Variants in SAAL1 observed in about 807,000 individuals in gnomAD.
The protein encoded by SAAL1 is serum amyloid A like 1.
SAAL1 carries 42 observed loss-of-function variants against 59.8 expected under a neutral mutation model. That is an observed-to-expected ratio of 0.70 (90% CI 0.55 to 0.91). The LOEUF is 0.91. Among genes scored for constraint, SAAL1 ranks in the 40% least tolerant of loss-of-function variants. SAAL1 has a pLI of 0.00. For missense variants in SAAL1, 542 were observed against 561.1 expected (o/e 0.97, Z 0.34); for synonymous variants, 191 against 194.3 (o/e 0.98, Z 0.14).
chr11:18,082,946 T>C (rs1848425777), intron 10 of SAAL1, among the ~76,000 whole-genome samples: 1 of 152,196 alleles, frequency 6.6e-6, no homozygotes, highest in African/African-American at 2.4e-5. Flanking sequence ...GAATACTCTT[T>C]AAAAAATTAA....
Position 18,106,007 on chromosome 11 carries a change from C to A in SAAL1, c.35G>T (p.Arg12Leu). Residue 12 changes from arginine (R) to leucine (L), a missense_variant, in exon 1 of 12, where the codon CGC (arginine) becomes CTC (leucine). By Grantham distance (102) the Arg-to-Leu change is moderately radical. Coordinates refer to ENST00000524803, the MANE Select transcript of SAAL1 (RefSeq NM_138421.3). ...CACCTCCTCCTCCTCCTCCTTGTCG[C>A]GACCCGGCGGCGGCGGCGAGGGGTT... ...DRNPSPPPPG[R>L]DKEEEEEVAG... The A allele has an allele frequency of 6.2e-7, 1 of 1,605,436 alleles. No individual in the cohort carries two copies. The highest frequency in any genetic ancestry group is 8.5e-7 in the Non-Finnish European group (1 of 1,176,602).
At position 18,086,961 on chromosome 11, in the gene SAAL1, A is replaced by G; in HGVS notation, c.947T>C (p.Leu316Pro). The G allele has an allele frequency of 6.2e-7, 1 of 1,613,928 alleles. No individual in the cohort carries two copies. Among genetic ancestry groups the G allele is most frequent in the Non-Finnish European group, 8.5e-7 (1 of 1,179,878 alleles). ...GGCTAGCACTGTTTTCTGTTCTTGA[A>G]GAATGATGGGTGGATCATCAGACTG... ...FCQSDDPPII[L>P]QEQKTVLASV... Residue 316 changes from leucine to proline, a missense_variant, in exon 9 of 12, where the codon CTT (leucine) becomes CCT (proline). Leu to Pro is a moderately conservative substitution (Grantham distance 98). Transcript: ENST00000524803.
intron 4 of SAAL1, 132 bp from the exon 5 acceptor site, chr11:18,090,625 C>G: frequency 1.0e-6 from 1 of 966,732 alleles, no homozygotes; most frequent in Non-Finnish European, 1.5e-6. Context: ...AGATACAAAT[C>G]TATAGTTAAT....
chr11:18,088,148 A>G lies in SAAL1; in HGVS notation c.771-923T>C, dbSNP rs147929539. On this transcript the variant is annotated intron_variant, in intron 7 of 11. Transcript: ENST00000524803. ...GTTGAAGAAGTGACGCAAACTTCAC[A>G]TGACTGAAACGCAGAGTACAAGGAA... Among the ~76,000 whole-genome samples the G allele has an allele frequency of 2.8e-3, 421 of 152,372 alleles. 2 individuals are homozygous for G. Among genetic ancestry groups the G allele is most frequent in the African/African-American group, 9.4e-3 (391 of 41,592 alleles).
intron 4 of SAAL1, among the ~76,000 whole-genome samples, chr11:18,091,545 C>T (rs966380749): frequency 6.6e-6 from 1 of 152,128 alleles, no homozygotes; most frequent in Non-Finnish European, 1.5e-5. Context: ...CCCTCATGGC[C>T]CCAGCTCTGA....
chr11:18,096,795 G>T lies in SAAL1; in HGVS notation c.309C>A (p.Ala103=), dbSNP rs1451814676. The part of the protein sequence containing the change: ...NAPDIFMGVL[A]KSKCPRLREI... Reference sequence around the variant, plus strand: ...CTCTTAATCGAGGACACTTGGACTTGGCCAGTACTCCCATGAATATATCAG... The same window carrying T: ...CTCTTAATCGAGGACACTTGGACTTTGCCAGTACTCCCATGAATATATCAG... The change falls in exon 3 of 12, where the codon GCC becomes GCA. Residue 103 remains alanine (A), a synonymous_variant. Transcript: ENST00000524803. 2 of 1,582,690 alleles carry T rather than the reference G, an allele frequency of 1.3e-6. No homozygotes were observed. Among genetic ancestry groups the T allele is most frequent in the African/African-American group, 1.4e-5 (1 of 73,882 alleles).
At chr11:18,082,131 G>C (rs926975889) in intron 10 of SAAL1, among the ~76,000 whole-genome samples, 9 of 152,210 alleles carry the variant, frequency 5.9e-5, no homozygotes, top group African/African-American at 2.2e-4. Flanking sequence ...TTTCTTTGAT[G>C]TTCCCACCAC....
At chr11:18,097,838 GAA>G (rs3993315) in intron 2 of SAAL1, among the ~76,000 whole-genome samples, 12,434 of 139,842 alleles carry the variant, frequency 0.089, 547 homozygotes, top group Middle Eastern at 0.15. Context: ...AGAAAAAAAG[GAA>G]AAAAAAAAAA....
rs1848432352 is a variant in SAAL1, at chr11:18,083,563, A to G, written c.1211T>C (p.Leu404Pro). Reference sequence around the variant, plus strand: ...TGTTAATGCCTGAAAAATATTAGAAAGAAATTCACATAAAATATCCTTTAA... The same window carrying G: ...TGTTAATGCCTGAAAAATATTAGAAGGAAATTCACATAAAATATCCTTTAA... ...KILKDILCEF[L>P]SNIFQALTKE... Residue 404 changes from leucine to proline, a missense_variant, in exon 10 of 12, where the codon CTT becomes CCT. Leu to Pro is a moderately conservative substitution (Grantham distance 98, BLOSUM62 -3). Coordinates refer to ENST00000524803, the MANE Select transcript of SAAL1 (RefSeq NM_138421.3). 1.9e-6 allele frequency: 3 copies of G among 1,586,774 alleles called. No homozygotes were observed. The highest frequency in any genetic ancestry group is 2.6e-6 in the Non-Finnish European group (3 of 1,157,524).
intron 7 of SAAL1, among the ~76,000 whole-genome samples, chr11:18,088,429 C>T (rs1032840298): frequency 3.9e-5 from 6 of 151,988 alleles, no homozygotes; most frequent in East Asian, 1.9e-4. Flanking sequence ...CTGAAAAGAC[C>T]GAAGCATGAG....
chr11:18,083,343 T>A (rs1377091000), intron 10 of SAAL1, 192 bp downstream of exon 10: 1 of 434,028 alleles, frequency 2.3e-6, no homozygotes, highest in Non-Finnish European at 4.1e-6. Flanking sequence ...TAGGCATATG[T>A]CTGTCACACG....
intron 4 of SAAL1, 53 bp downstream of exon 4, chr11:18,092,192 C>T: frequency 2.2e-6 from 2 of 919,116 alleles, no homozygotes; most frequent in South Asian, 1.6e-5. Context: ...TTAGAATTTC[C>T]TTAAGGATAT....
Position 18,085,718 on chromosome 11 carries a change from T to C in SAAL1, c.1042+1148A>G, listed in dbSNP as rs111576196. On this transcript the variant is annotated intron_variant, in intron 9 of 11. Coordinates refer to ENST00000524803, the MANE Select transcript of SAAL1 (RefSeq NM_138421.3). ...TAAAAACACTATGGCTACTAATATATGAATACAGCAATGGAACTGAACAGA... is the reference window on the plus strand; with the variant it reads ...TAAAAACACTATGGCTACTAATATACGAATACAGCAATGGAACTGAACAGA... Among the ~76,000 whole-genome samples the C allele has an allele frequency of 8.0e-3, 1,213 of 152,298 alleles. 13 individuals are homozygous for C. Among genetic ancestry groups the C allele is most frequent in the African/African-American group, 0.028 (1,167 of 41,554 alleles).
chr11:18,105,978 C>T lies in SAAL1; in HGVS notation c.64G>A (p.Gly22Ser), dbSNP rs748275486. The change falls in exon 1 of 12, where the codon GGT (glycine) becomes AGT (serine). Residue 22 changes from glycine to serine, a missense_variant. Coordinates refer to ENST00000524803, the MANE Select transcript of SAAL1 (RefSeq NM_138421.3). ...RDKEEEEEVA[G>S]GDCIGSTVYS... is the part of the protein sequence containing the mutation. ...ACCGTGCTCCCTATGCAGTCTCCAC[C>T]GGCCACCTCCTCCTCCTCCTCCTTG... 4.3e-6 allele frequency: 7 copies of T among 1,609,848 alleles called. No homozygotes were observed. The East Asian group carries it at 6.7e-5, about 15-fold the overall frequency.
intron 5 of SAAL1, 48 bp from the exon 6 acceptor site, chr11:18,090,338 A>AG (rs1848510279): frequency 6.4e-7 from 1 of 1,571,422 alleles, no homozygotes; most frequent in East Asian, 2.3e-5. Context: ...AAAAAAAAAA[A>AG]AAACAGTAAA....
At chr11:18,090,400 T>C (rs1848511383) in intron 5 of SAAL1, 34 bp downstream of exon 5, 1 of 1,590,164 alleles carries the variant, frequency 6.3e-7, no homozygotes, top group African/African-American at 1.4e-5. Flanking sequence ...CTCTTATGAG[T>C]AACCTTATAG....
intron 1 of SAAL1, among the ~76,000 whole-genome samples, chr11:18,104,113 G>A (rs562510306): frequency 6.6e-6 from 1 of 152,288 alleles, no homozygotes; most frequent in South Asian, 2.1e-4. Context: ...TGATGTTCTT[G>A]TGTCCAGAAA....
rs1848580296 is a variant in SAAL1 at position 18,096,715 on chromosome 11, G to A, written c.333+56C>T. The A allele has an allele frequency of 3.4e-6, 3 of 880,416 alleles. No individual in the cohort carries two copies. The East Asian group carries it at 7.2e-5, about 21-fold the overall frequency. 54.5% of individuals were successfully genotyped at this position (880,416 alleles called of 1,614,324 possible). Reference sequence around the variant, plus strand: ...AGTGAGAAAAATAAAAGACTATCCAGCACTATCTGTTCTTATTGCTTCAAA... The same window carrying A: ...AGTGAGAAAAATAAAAGACTATCCAACACTATCTGTTCTTATTGCTTCAAA... On this transcript the variant is annotated intron_variant, in intron 3 of 11. Transcript: ENST00000524803.
Position 18,081,812 on chromosome 11 carries a change from C to G in SAAL1, c.1240-309G>C, listed in dbSNP as rs956566476. On this transcript the variant is annotated intron_variant, in intron 10 of 11. Transcript: ENST00000524803. ...AGTGCTCAATTCTATTCTACCAAAT[C>G]TCTCTTACCCCCATCCCTCCTCTCC... is the stretch of plus-strand genomic sequence containing the variant. 13 of 267,968 alleles carry G rather than the reference C, an allele frequency of 4.9e-5. 1 individual carries two copies. Among genetic ancestry groups the G allele is most frequent in the Non-Finnish European group, 9.3e-5 (13 of 140,278 alleles). 16.6% of individuals were successfully genotyped at this position (267,968 alleles called of 1,614,324 possible). A position where few individuals can be genotyped will look rare whatever the true frequency, so the allele number is the denominator to read the frequency against.
Sources: allele counts gnomAD v4.1 joint callset (sites outside exome capture counted in the v4.1 genomes callset), GRCh38; gene constraint gnomAD v4.1.1; transcripts MANE v1.5; gene names NCBI Gene and HGNC (gene_info 2026-07-23, HGNC 2026-07-21).